CHTF18: variants seen among roughly 807,000 people sequenced by gnomAD.
The protein encoded by CHTF18 is chromosome transmission fidelity protein 18 homolog.
Under a neutral mutation model 113.4 loss-of-function variants are expected in CHTF18, and 151 were observed. That is an observed-to-expected ratio of 1.33 (90% CI 1.17 to 1.52). CHTF18 has a LOEUF of 1.52. Ranked by LOEUF, CHTF18 falls within the 40% of genes most tolerant of loss-of-function variation. The pLI is 0.00. For missense variants in CHTF18, 1,982 were observed against 1,381.6 expected (o/e 1.43, Z -6.89); for synonymous variants, 916 against 598.8 (o/e 1.53, Z -7.74).
chr16:793,281 G>C lies in CHTF18; in HGVS notation c.1802+7G>C. ...AGCTGCCTCGAGCCCAGAGGTAGGC[G>C]GTGGCCACAGCCTCGGCCCAGATGC... On this transcript the variant is annotated splice_region_variant and intron_variant, in intron 14 of 21. Transcript: ENST00000262315. 5.0e-6 allele frequency: 8 copies of C among 1,605,540 alleles called. No homozygotes were observed. Among genetic ancestry groups the C allele is most frequent in the Non-Finnish European group, 5.9e-6 (7 of 1,177,848 alleles).
Position 791,892 on chromosome 16 carries a change from C to T in CHTF18, c.1146C>T (p.Thr382=), listed in dbSNP as rs748397936. 6 of 1,609,724 alleles carry T rather than the reference C, an allele frequency of 3.7e-6. No individual in the cohort carries two copies. The highest frequency in any genetic ancestry group is 1.1e-5 in the South Asian group (1 of 90,092). Residue 382 remains threonine, a synonymous_variant, in exon 9 of 22, where the codon ACC becomes ACT. Transcript: ENST00000262315. ...LCGPPGLGKT[T]LAHVIARHAG... ...GGCCCCCGGGGCTGGGGAAGACCAC[C>T]CTGGCACACGTGATTGCGCGTCACG...
chr16:790,824 G>A lies in CHTF18; in HGVS notation c.894+158G>A, dbSNP rs557920091. On this transcript the variant is annotated intron_variant, in intron 7 of 21. Transcript: ENST00000262315. ...AGTTGTAGGTGGTGAACTGAGCACA[G>A]GGCTGTGTGCTACTGGTCCCCTGTG... 2.8e-6 allele frequency: 4 copies of A among 1,433,356 alleles called. No homozygotes were observed. In the African/African-American group the frequency reaches 4.3e-5, roughly 15 times the overall value. The allele number at this position is 1,433,356 out of a possible 1,614,324, so 88.8% of individuals were successfully genotyped here.
chr16:790,139 G>A (rs1567392611), intron 4 of CHTF18, 38 bp from the exon 5 acceptor site: 3 of 1,558,300 alleles, frequency 1.9e-6, no homozygotes, highest in Non-Finnish European at 2.6e-6. Flanking sequence ...CTGTGACCTA[G>A]GAGGGGCCCA....
chr16:793,601 C>G, intron 14 of CHTF18: 1 of 539,322 alleles, frequency 1.9e-6, no homozygotes, highest in South Asian at 2.0e-5. Flanking sequence ...CACATTTGGC[C>G]TGGGCTGTGG....
At chr16:789,185 G>A (rs766200790) in intron 2 of CHTF18, 25 bp from the exon 3 acceptor site, 1 of 1,550,356 alleles carries the variant, frequency 6.5e-7, no homozygotes, top group South Asian at 1.2e-5. Flanking sequence ...GGAGGCCTCT[G>A]GTTCCCTGCA....
rs371221620 is a variant in CHTF18, at chr16:792,367, G to A, written c.1326+20G>A. On this transcript the variant is annotated intron_variant, in intron 10 of 21. Coordinates refer to ENST00000262315, the MANE Select transcript of CHTF18 (RefSeq NM_022092.3). ...CCCGTGGTGGGCTCCTTGATGCCTG[G>A]GTAGGTGGGTGGGCGGGCAGGCAGG... is the stretch of plus-strand genomic sequence containing the variant. 54 of 1,559,636 alleles carry A rather than the reference G, an allele frequency of 3.5e-5. No individual in the cohort carries two copies. Among genetic ancestry groups the A allele is most frequent in the Non-Finnish European group, 4.3e-5 (49 of 1,152,814 alleles).
rs754919451 is a variant in CHTF18 at position 797,756 on chromosome 16, G to GTGTGGGGGTGTTGTGGGGT, written c.2791+14_2791+32dup. On this transcript the variant is annotated splice_donor_region_variant and intron_variant, in intron 21 of 21. Coordinates refer to ENST00000262315, the MANE Select transcript of CHTF18 (RefSeq NM_022092.3). The stretch of plus-strand genomic sequence containing the variant: ...GCACAGCAGTCCCGAGTGCAGGTGT[G>GTGTGGGGGTGTTGTGGGGT]TGTGGGGGTGTTGTGGGGTTGTGGG... 28 of 1,608,074 alleles carry GTGTGGGGGTGTTGTGGGGT rather than the reference G, an allele frequency of 1.7e-5. No individual in the cohort carries two copies. The Admixed American group carries it at 4.5e-4, about 26-fold the overall frequency.
At chr16:793,420 C>A in intron 14 of CHTF18, 146 bp downstream of exon 14, 1 of 1,090,350 alleles carries the variant, frequency 9.2e-7, no homozygotes, top group South Asian at 1.6e-5. Context: ...CAGGGCCCTC[C>A]TCAGCCTTTT....
chr16:789,991 C>G, intron 4 of CHTF18, 186 bp from the exon 5 acceptor site: 1 of 1,535,340 alleles, frequency 6.5e-7, no homozygotes, highest in African/African-American at 1.4e-5. Flanking sequence ...AAGCTGCCCC[C>G]AATTTCCCTT....
At chr16:796,651 C>G in intron 18 of CHTF18, 66 bp from the exon 19 acceptor site, 3 of 1,485,000 alleles carry the variant, frequency 2.0e-6, no homozygotes, top group Non-Finnish European at 2.7e-6. Context: ...GTTGGAGTGC[C>G]CGGCGGCTCT....
In CHTF18 at chr16:795,346, G is replaced by A; in HGVS notation, c.2165G>A (p.Ser722Asn). 6.5e-7 allele frequency: 1 copy of A among 1,547,270 alleles called. No homozygotes were observed. Among genetic ancestry groups the A allele is most frequent in the Non-Finnish European group, 8.7e-7 (1 of 1,146,292 alleles). The change falls in exon 16 of 22, where the codon AGC becomes AAC. Residue 722 changes from serine to asparagine, a missense_variant. Coordinates refer to ENST00000262315, the MANE Select transcript of CHTF18 (RefSeq NM_022092.3). ...ACACCCAGGATCACCTTCCCCAGCA[G>A]CCAGCAGGAGGTGTGCTCGTCCCTG... ...SHTPRITFPS[S>N]QQEAQNRMSQ...
Position 797,081 on chromosome 16 carries a change from C to G in CHTF18, c.2722C>G (p.Arg908Gly), listed in dbSNP as rs538334602. 1.3e-6 allele frequency: 2 copies of G among 1,527,582 alleles called. No individual in the cohort carries two copies. The highest frequency in any genetic ancestry group is 1.8e-6 in the Non-Finnish European group (2 of 1,140,418). 94.6% of individuals were successfully genotyped at this position (1,527,582 alleles called of 1,614,324 possible). The change falls in exon 20 of 22, where the codon CGG becomes GGG. Residue 908 changes from arginine to glycine, a missense_variant. Coordinates refer to ENST00000262315, the MANE Select transcript of CHTF18 (RefSeq NM_022092.3). ...RLEHIMRRAA[R>G]EEQPEKDFFG... is the part of the protein sequence containing the mutation. Reference sequence around the variant, plus strand: ...GGAGCACATCATGAGGCGAGCGGCCCGGGAGGAACAGGTGTGGAATGGGCA... The same window carrying G: ...GGAGCACATCATGAGGCGAGCGGCCGGGGAGGAACAGGTGTGGAATGGGCA...
chr16:793,449 C>A (rs1026649024), intron 14 of CHTF18, among the ~76,000 whole-genome samples, 175 bp downstream of exon 14: 5 of 152,120 alleles, frequency 3.3e-5, no homozygotes, highest in Middle Eastern at 3.2e-3. Context: ...GTTCTCGCCC[C>A]TACAGCCTTG....
rs773934341 is a variant in CHTF18, at chr16:793,133, C to T, written c.1672-11C>T. 56 of 1,592,962 alleles carry T rather than the reference C, an allele frequency of 3.5e-5. No individual in the cohort carries two copies. Among genetic ancestry groups the T allele is most frequent in the East Asian group, 1.1e-4 (5 of 43,768 alleles). ...AGTTGGCCGCTTCTCATGCCCCCGC[C>T]CTATGTCTAGTTCCTGTACAGCCGG... is the stretch of plus-strand genomic sequence containing the variant. On this transcript the variant is annotated splice_polypyrimidine_tract_variant and intron_variant, in intron 13 of 21. Transcript: ENST00000262315.
intron 8 of CHTF18, 121 bp downstream of exon 8, chr16:791,491 G>A (rs1459529707): frequency 1.2e-5 from 17 of 1,447,888 alleles, no homozygotes; most frequent in Admixed American, 7.8e-5. Flanking sequence ...GGGTCTTGGC[G>A]TGAAGCGCCA....
chr16:797,737 C>G lies in CHTF18; in HGVS notation c.2777C>G (p.Ala926Gly). The G allele has an allele frequency of 3.1e-6, 5 of 1,603,272 alleles. No homozygotes were observed. Among genetic ancestry groups the G allele is most frequent in the Non-Finnish European group, 3.4e-6 (4 of 1,178,882 alleles). Residue 926 changes from alanine (A) to glycine (G), a missense_variant, in exon 21 of 22, where the codon GCA becomes GGA. Physicochemically the swap from Ala to Gly is moderately conservative, Grantham distance 60. Coordinates refer to ENST00000262315, the MANE Select transcript of CHTF18 (RefSeq NM_022092.3). ...GGACGTGTGGTCGTCAGGAGCACAG[C>G]AGTCCCGAGTGCAGGTGTGTGTGGG... ...FFGRVVVRST[A>G]VPSAGDTAPE... is the part of the protein sequence containing the mutation.
intron 17 of CHTF18, 46 bp downstream of exon 17, chr16:795,880 C>T (rs374639513): frequency 2.2e-5 from 35 of 1,606,900 alleles, no homozygotes; most frequent in East Asian, 4.5e-5. Context: ...TGCTGCCCTC[C>T]TGTCCTAGGT....
Position 792,964 on chromosome 16 carries a change from A to C in CHTF18, c.1573-2A>C, listed in dbSNP as rs777487642. The C allele has an allele frequency of 1.4e-5, 21 of 1,554,890 alleles. No homozygotes were observed. The South Asian group carries it at 2.4e-4, about 18-fold the overall frequency. ...GGCCCTCCAGCAGCCCTTCTCCACC[A>C]GGTCTCCCTGCGGCAGGGCATGAGG... On this transcript the variant is annotated splice_acceptor_variant, in intron 12 of 21. Coordinates refer to ENST00000262315, the MANE Select transcript of CHTF18 (RefSeq NM_022092.3). LOFTEE classifies it high-confidence loss of function.
intron 3 of CHTF18, 38 bp downstream of exon 3, chr16:789,398 C>T (rs2042102554): frequency 1.9e-6 from 3 of 1,547,324 alleles, no homozygotes; most frequent in African/African-American, 1.4e-5. Context: ...TCCCATCTGT[C>T]CAGTGGGACT....
Sources: gnomAD v4.1 joint callset for allele counts (sites outside exome capture counted in the v4.1 genomes callset) on GRCh38, gnomAD v4.1.1 for gene constraint, MANE v1.5 for transcripts, NCBI Gene and HGNC (gene_info 2026-07-23, HGNC 2026-07-21) for gene names.